Variants in VPS13B observed in about 807,000 individuals in gnomAD.
VPS13B encodes the protein intermembrane lipid transfer protein VPS13B.
Under a neutral mutation model 426.4 loss-of-function variants are expected in VPS13B, and 285 were observed. That is an observed-to-expected ratio of 0.67 (90% CI 0.61 to 0.74). The LOEUF (loss-of-function observed/expected upper bound fraction) is 0.74. Ranked by LOEUF, VPS13B falls within the 30% of genes least tolerant of loss-of-function variation. The pLI, the probability that VPS13B is intolerant of heterozygous loss-of-function variation, is 0.00. For missense variants in VPS13B, 4,537 were observed against 4,782.6 expected (o/e 0.95, Z 1.51); for synonymous variants, 1,676 against 1,676.4 (o/e 1.00, Z 0.01).
chr8:99,194,354 A>G (rs1813779860), intron 17 of VPS13B, among the ~76,000 whole-genome samples: 1 of 152,162 alleles, frequency 6.6e-6, no homozygotes, highest in South Asian at 2.1e-4. Context: ...AATTGAACTT[A>G]CTGCTCCTGT....
chr8:99,413,858 A>G (rs1024786638), intron 21 of VPS13B, among the ~76,000 whole-genome samples: 16 of 152,144 alleles, frequency 1.1e-4, no homozygotes, highest in Admixed American at 4.6e-4. Flanking sequence ...TATGTGGCCA[A>G]TTTTAGAATA....
chr8:99,084,492 C>T (rs1186318342), intron 3 of VPS13B, among the ~76,000 whole-genome samples: 2 of 152,124 alleles, frequency 1.3e-5, no homozygotes, highest in Non-Finnish European at 2.9e-5. Context: ...TTGCCTTCTG[C>T]TAGCTTTTGA....
chr8:99,556,132 A>G (rs1484424815), intron 30 of VPS13B, among the ~76,000 whole-genome samples: 1 of 152,184 alleles, frequency 6.6e-6, no homozygotes, highest in Non-Finnish European at 1.5e-5. Flanking sequence ...AAAAATGGAC[A>G]TAAAATAGAA....
chr8:99,871,069 T>C, intron 60 of VPS13B, 182 bp downstream of exon 60: 1 of 686,184 alleles, frequency 1.5e-6, no homozygotes, highest in South Asian at 1.7e-5. Flanking sequence ...GTTGCCAGGT[T>C]TGGGGCTGGC....
chr8:99,472,571 T>C (rs577519017), intron 24 of VPS13B, among the ~76,000 whole-genome samples: 3 of 151,090 alleles, frequency 2.0e-5, no homozygotes, highest in East Asian at 3.9e-4. Context: ...TAAAGACATA[T>C]TAGAAAGGAA....
intron 26 of VPS13B, among the ~76,000 whole-genome samples, chr8:99,502,280 G>A (rs1053274824): frequency 8.5e-5 from 13 of 152,162 alleles, no homozygotes; most frequent in Middle Eastern, 3.4e-3. Context: ...CACCATGCCC[G>A]GCCTGGATTG....
chr8:99,541,941 T>A (rs1412148598), intron 30 of VPS13B, among the ~76,000 whole-genome samples: 1 of 152,220 alleles, frequency 6.6e-6, no homozygotes, highest in Non-Finnish European at 1.5e-5. Context: ...TGGAGACCTT[T>A]CTAGAACCTC....
At chr8:99,210,747 A>G (rs1815041445) in intron 17 of VPS13B, among the ~76,000 whole-genome samples, 1 of 152,040 alleles carries the variant, frequency 6.6e-6, no homozygotes, top group Non-Finnish European at 1.5e-5. Context: ...CTGGGACCAC[A>G]AGTGCCCACC....
chr8:99,702,744 A>G (rs1012330247), intron 36 of VPS13B, among the ~76,000 whole-genome samples: 1 of 152,040 alleles, frequency 6.6e-6, no homozygotes, highest in Non-Finnish European at 1.5e-5. Context: ...AGCAGAAACT[A>G]CTCTAATCCC....
intron 19 of VPS13B, among the ~76,000 whole-genome samples, chr8:99,352,023 G>T (rs935966955): frequency 1.3e-5 from 2 of 152,128 alleles, no homozygotes; most frequent in African/African-American, 4.8e-5. Context: ...TCATAAAGGT[G>T]CTTGGCTGAT....
chr8:99,155,084 AC>A (rs1212150049), intron 14 of VPS13B, among the ~76,000 whole-genome samples: 1 of 151,972 alleles, frequency 6.6e-6, no homozygotes, highest in Non-Finnish European at 1.5e-5. Flanking sequence ...AAAAAAAAGC[AC>A]CAAATTAAAT....
chr8:99,700,057 G>GTCCTCATCTCTA, intron 36 of VPS13B, 125 bp downstream of exon 36: 1 of 1,197,890 alleles, frequency 8.3e-7, no homozygotes, highest in Non-Finnish European at 1.1e-6. Flanking sequence ...CATTAGAGAT[G>GTCCTCATCTCTA]AGGACATTTC....
At chr8:99,358,411 A>T (rs556057377) in intron 19 of VPS13B, among the ~76,000 whole-genome samples, 3 of 152,174 alleles carry the variant, frequency 2.0e-5, no homozygotes, top group Non-Finnish European at 1.5e-5. Context: ...AATAATAATA[A>T]TATATTCATT....
chr8:99,077,390 G>A (rs1845189817), intron 3 of VPS13B, among the ~76,000 whole-genome samples: 1 of 151,870 alleles, frequency 6.6e-6, no homozygotes, highest in Non-Finnish European at 1.5e-5. Flanking sequence ...GGCTGGTCTC[G>A]AACTCCCGAC....
intron 17 of VPS13B, among the ~76,000 whole-genome samples, chr8:99,248,847 C>T (rs894484763): frequency 3.9e-5 from 6 of 152,150 alleles, no homozygotes; most frequent in African/African-American, 7.2e-5. Flanking sequence ...TGTCTCCCTC[C>T]CTTGAGCTTC....
chr8:99,104,378 A>C (rs1277170492), intron 5 of VPS13B, among the ~76,000 whole-genome samples: 1 of 152,232 alleles, frequency 6.6e-6, no homozygotes, highest in African/African-American at 2.4e-5. Flanking sequence ...GGTTGTAGCA[A>C]TAAAAGTTAA....
Position 99,875,592 on chromosome 8 carries a change from C to G in VPS13B, c.11920C>G (p.Pro3974Ala), listed in dbSNP as rs749090941. The change falls in exon 62 of 62, where the codon CCA (proline) becomes GCA (alanine). Residue 3974 changes from proline (P) to alanine (A), a missense_variant. Transcript: ENST00000357162. ...TVKTYHYLVD[P>A]HFAQVFLSKF... ...TAAAACATACCATTACCTGGTTGATCCACATTTTGCTCAGGTCTTCCTTAG... is the reference window on the plus strand; with the variant it reads ...TAAAACATACCATTACCTGGTTGATGCACATTTTGCTCAGGTCTTCCTTAG... 6.2e-7 allele frequency: 1 copy of G among 1,614,186 alleles called. No individual in the cohort carries two copies. Among genetic ancestry groups the G allele is most frequent in the Non-Finnish European group, 8.5e-7 (1 of 1,180,022 alleles).
chr8:99,455,170 G>T (rs78256331), intron 23 of VPS13B, among the ~76,000 whole-genome samples: 7,527 of 152,194 alleles, frequency 0.049, 210 homozygotes, highest in African/African-American at 0.071. Flanking sequence ...GGTGTAAAAA[G>T]TCATCAAAAA....
At chr8:99,501,967 G>C (rs1373823148) in intron 26 of VPS13B, 109 bp downstream of exon 26, 1 of 1,241,728 alleles carries the variant, frequency 8.1e-7, no homozygotes, top group Non-Finnish European at 1.1e-6. Flanking sequence ...CTGTCTGTCT[G>C]TCTGTCTTTC....
Sources: gnomAD v4.1 joint callset for allele counts (sites outside exome capture counted in the v4.1 genomes callset) on GRCh38, gnomAD v4.1.1 for gene constraint, MANE v1.5 for transcripts, NCBI Gene and HGNC (gene_info 2026-07-23, HGNC 2026-07-21) for gene names.